ADTRP: variants seen among roughly 807,000 people sequenced by gnomAD.
The protein encoded by ADTRP is androgen-dependent TFPI-regulating protein.
In ADTRP, 20 loss-of-function variants were observed where a neutral mutation model predicts 27.0. The ratio of observed to expected loss-of-function variants is 0.74; its 90% CI spans 0.52 to 1.08. ADTRP has a LOEUF of 1.08. Among genes scored for constraint, ADTRP ranks in the 50% least tolerant of loss-of-function variants. The pLI is 0.00. For missense variants in ADTRP, 251 were observed against 275.0 expected, an observed-to-expected ratio of 0.91 and a Z score of 0.62; for synonymous variants, 101 against 105.2, an observed-to-expected ratio of 0.96 and a Z score of 0.25.
At chr6:11,727,222 A>G in intron 4 of ADTRP, among the ~76,000 whole-genome samples, 1 of 152,104 alleles carries the variant, frequency 6.6e-6, no homozygotes, top group East Asian at 1.9e-4. Context: ...GGGTTTCACC[A>G]TGTTGGTCAG....
chr6:11,731,583 C>T (rs73725707), intron 4 of ADTRP, among the ~76,000 whole-genome samples: 7,186 of 152,234 alleles, frequency 0.047, 575 homozygotes, highest in African/African-American at 0.16. Flanking sequence ...CTTGCTCTCA[C>T]GCTTTCTGCA....
intron 4 of ADTRP, 99 bp downstream of exon 4, chr6:11,735,469 C>G: frequency 1.2e-6 from 1 of 807,016 alleles, no homozygotes; most frequent in South Asian, 1.9e-5. Flanking sequence ...CTTATTAAAC[C>G]AAGATAAAGG....
chr6:11,771,004 A>G (rs1350607903), intron 1 of ADTRP, among the ~76,000 whole-genome samples: 1 of 152,294 alleles, frequency 6.6e-6, no homozygotes. Flanking sequence ...TGTGAAGTCC[A>G]TGTGACCTGC....
intron 4 of ADTRP, among the ~76,000 whole-genome samples, chr6:11,733,216 C>T (rs918111169): frequency 6.6e-6 from 1 of 152,366 alleles, no homozygotes; most frequent in South Asian, 2.1e-4. Context: ...AACTGGTCTA[C>T]CTGTCTTGTT....
intron 5 of ADTRP, among the ~76,000 whole-genome samples, chr6:11,722,389 C>T (rs1032150060): frequency 1.3e-5 from 2 of 152,084 alleles, no homozygotes; most frequent in African/African-American, 4.8e-5. Context: ...TTTTTGCATA[C>T]ACGGGCTTAT....
At chr6:11,714,848 T>C (rs1761762228) in intron 5 of ADTRP, among the ~76,000 whole-genome samples, 1 of 152,120 alleles carries the variant, frequency 6.6e-6, no homozygotes, top group African/African-American at 2.4e-5. Flanking sequence ...TCAGCAAACT[T>C]TGAGACTTTG....
intron 1 of ADTRP, 78 bp from the exon 2 acceptor site, chr6:11,768,461 C>G: frequency 6.5e-7 from 1 of 1,548,764 alleles, no homozygotes; most frequent in Non-Finnish European, 8.8e-7. Context: ...AACTCCATCC[C>G]TCTGAGAGTA....
intron 1 of ADTRP, among the ~76,000 whole-genome samples, chr6:11,770,472 C>T (rs760788): frequency 0.53 from 80,477 of 151,722 alleles, 21,644 homozygotes; most frequent in Middle Eastern, 0.59. Context: ...AACAGAAAAG[C>T]AGGCAGCAGA....
chr6:11,740,093 G>A lies in ADTRP; in HGVS notation c.391-4410C>T, dbSNP rs370277342. 2.6e-5 allele frequency among the ~76,000 whole-genome samples: 4 copies of A among 152,212 alleles called. No individual in the cohort carries two copies. The South Asian group carries it at 8.3e-4, about 32-fold the overall frequency. On this transcript the variant is annotated intron_variant, in intron 3 of 5. Coordinates refer to ENST00000414691, the MANE Select transcript of ADTRP (RefSeq NM_032744.4). ...ACACTGACTTTGACCCTCTCAGATG[G>A]GTCATCAAGAGGCTTTCTCCTTCAG...
At chr6:11,723,892 C>T (rs745404087) in intron 4 of ADTRP, among the ~76,000 whole-genome samples, 2 of 151,942 alleles carry the variant, frequency 1.3e-5, no homozygotes, top group Non-Finnish European at 2.9e-5. Flanking sequence ...AACCCCATCT[C>T]CACTAAAAAT....
chr6:11,732,690 C>T (rs959975303), intron 4 of ADTRP, among the ~76,000 whole-genome samples: 1 of 152,146 alleles, frequency 6.6e-6, no homozygotes. Flanking sequence ...GGACGAAATC[C>T]CAAACCACCT....
At chr6:11,746,380 C>T (rs1581341989) in intron 3 of ADTRP, among the ~76,000 whole-genome samples, 2 of 152,138 alleles carry the variant, frequency 1.3e-5, no homozygotes, top group East Asian at 3.9e-4. Context: ...GGTTTCTAAA[C>T]CTCTGCACTG....
intron 4 of ADTRP, among the ~76,000 whole-genome samples, chr6:11,731,198 G>C (rs1166826988): frequency 1.3e-5 from 2 of 152,162 alleles, no homozygotes; most frequent in African/African-American, 4.8e-5. Flanking sequence ...GGATATCACT[G>C]GAACTGTGAA....
intron 1 of ADTRP, among the ~76,000 whole-genome samples, chr6:11,769,019 C>T (rs903864072): frequency 3.3e-5 from 5 of 151,728 alleles, no homozygotes; most frequent in Admixed American, 6.6e-5. Context: ...AAGCCATGAG[C>T]GCTGGTGGGT....
intron 3 of ADTRP, among the ~76,000 whole-genome samples, chr6:11,764,031 C>T (rs1184756431): frequency 6.6e-6 from 1 of 152,194 alleles, no homozygotes; most frequent in Non-Finnish European, 1.5e-5. Context: ...CTCCTTGTCA[C>T]CATTGTTCCA....
At chr6:11,722,913 G>A (rs1762063805) in intron 5 of ADTRP, among the ~76,000 whole-genome samples, 1 of 152,138 alleles carries the variant, frequency 6.6e-6, no homozygotes, top group Non-Finnish European at 1.5e-5. Flanking sequence ...GGAGGTGGGA[G>A]GAGCTGAGAG....
At chr6:11,762,547 G>C (rs978208518) in intron 3 of ADTRP, among the ~76,000 whole-genome samples, 3 of 152,162 alleles carry the variant, frequency 2.0e-5, no homozygotes, top group African/African-American at 7.2e-5. Context: ...GGAAGGTCCT[G>C]TCTCTCAATA....
At chr6:11,756,050 C>T (rs558894184) in intron 3 of ADTRP, among the ~76,000 whole-genome samples, 1 of 152,276 alleles carries the variant, frequency 6.6e-6, no homozygotes, top group South Asian at 2.1e-4. Flanking sequence ...TAGACCTGGT[C>T]TAGAATATGG....
intron 3 of ADTRP, among the ~76,000 whole-genome samples, chr6:11,739,448 T>C (rs1581333062): frequency 6.6e-6 from 1 of 152,308 alleles, no homozygotes. Context: ...CAATTATACC[T>C]TCCCCCCACC....
Sources: gnomAD v4.1 joint callset for allele counts (sites outside exome capture counted in the v4.1 genomes callset) on GRCh38, gnomAD v4.1.1 for gene constraint, MANE v1.5 for transcripts, NCBI Gene and HGNC (gene_info 2026-07-23, HGNC 2026-07-21) for gene names.